DACH1: variants seen among roughly 807,000 people sequenced by gnomAD.
DACH1 encodes the protein dachshund family transcription factor 1, also known as dachshund homolog 1.
Under a neutral mutation model 54.2 loss-of-function variants are expected in DACH1, and 12 were observed. The observed-to-expected ratio is 0.22, with a 90% CI of 0.14 to 0.36. The LOEUF (loss-of-function observed/expected upper bound fraction) is 0.36, where lower values mean the gene tolerates loss of function less well. Among genes scored for constraint, DACH1 ranks in the 10% least tolerant of loss-of-function variants. The pLI, the probability that DACH1 is intolerant of heterozygous loss-of-function variation, is 1.00. For missense variants in DACH1, 805 were observed against 929.8 expected, an observed-to-expected ratio of 0.87 and a Z score of 1.75; for synonymous variants, 386 against 366.2, an observed-to-expected ratio of 1.05 and a Z score of -0.62.
intron 6 of DACH1, among the ~76,000 whole-genome samples, chr13:71,499,563 G>A (rs554938010): frequency 3.9e-5 from 6 of 152,074 alleles, no homozygotes; most frequent in Non-Finnish European, 8.8e-5. Flanking sequence ...AAAAATAAAT[G>A]AAAGGGGGCT....
In DACH1 at chr13:71,451,240, C is replaced by T. The variant is rs950228033; in HGVS notation, c.2084-10548G>A. On this transcript the variant is annotated intron_variant, in intron 10 of 10. Transcript: ENST00000613252. Reference sequence around the variant, plus strand: ...GCTAAAACCTAAATGTTGTTCCTGTCCTATGCACGTGGCATAGGACCCAGA... The same window carrying T: ...GCTAAAACCTAAATGTTGTTCCTGTTCTATGCACGTGGCATAGGACCCAGA... Among the ~76,000 whole-genome samples the T allele has an allele frequency of 3.9e-5, 6 of 152,090 alleles. No individual in the cohort carries two copies. The East Asian group carries it at 9.6e-4, about 24-fold the overall frequency.
chr13:71,630,484 G>A, intron 3 of DACH1, 72 bp downstream of exon 3: 1 of 1,466,184 alleles, frequency 6.8e-7, no homozygotes, highest in Non-Finnish European at 9.0e-7. Context: ...CAACAGTTTT[G>A]TTCTGGAAAA....
intron 10 of DACH1, among the ~76,000 whole-genome samples, chr13:71,453,605 A>C (rs1009739015): frequency 1.3e-5 from 2 of 152,156 alleles, no homozygotes; most frequent in Non-Finnish European, 2.9e-5. Context: ...TCTGGCTTTT[A>C]AAAGTTCAGC....
intron 1 of DACH1, among the ~76,000 whole-genome samples, chr13:71,725,317 A>C (rs183495384): frequency 6.6e-6 from 1 of 152,258 alleles, no homozygotes; most frequent in African/African-American, 2.4e-5. Flanking sequence ...AAGACAAAAG[A>C]GAGAGAAAGT....
In DACH1 at chr13:71,666,340, T is replaced by C. The variant is rs182348274; in HGVS notation, c.964+15455A>G. ...TATGTAGATAAGCTCAAGCAATTAT[T>C]TGGAAGCAAATTTCAAATATTTTTC... On this transcript the variant is annotated intron_variant, in intron 2 of 10. Coordinates refer to ENST00000613252, the MANE Select transcript of DACH1 (RefSeq NM_080759.6). Among the ~76,000 whole-genome samples the C allele has an allele frequency of 2.6e-5, 4 of 152,308 alleles. No homozygotes were observed. The East Asian group carries it at 5.8e-4, about 22-fold the overall frequency.
At chr13:71,727,125 G>A (rs1302528444) in intron 1 of DACH1, among the ~76,000 whole-genome samples, 2 of 151,968 alleles carry the variant, frequency 1.3e-5, no homozygotes, top group Non-Finnish European at 2.9e-5. Context: ...ACTACTCAGG[G>A]TGCCTTTGAG....
intron 6 of DACH1, among the ~76,000 whole-genome samples, chr13:71,546,711 G>T (rs1442081069): frequency 6.6e-6 from 1 of 151,906 alleles, no homozygotes; most frequent in Non-Finnish European, 1.5e-5. Flanking sequence ...AAAAACCTCA[G>T]CTATGGTCTA....
intron 3 of DACH1, among the ~76,000 whole-genome samples, chr13:71,582,750 T>G (rs1236744709): frequency 1.3e-5 from 2 of 152,174 alleles, no homozygotes; most frequent in East Asian, 3.9e-4. Flanking sequence ...TAGCTTCTAT[T>G]ATACATAGTA....
At chr13:71,624,886 T>C (rs1048024203) in intron 3 of DACH1, among the ~76,000 whole-genome samples, 3 of 151,912 alleles carry the variant, frequency 2.0e-5, no homozygotes, top group Non-Finnish European at 4.4e-5. Flanking sequence ...CATCAGCAGT[T>C]ACAGCTGTGC....
Position 71,611,256 on chromosome 13 carries a change from C to T in DACH1, c.1126+19300G>A, listed in dbSNP as rs1256361746. On this transcript the variant is annotated intron_variant, in intron 3 of 10. Coordinates refer to ENST00000613252, the MANE Select transcript of DACH1 (RefSeq NM_080759.6). ...AGCATTTGGAATAAACAGGAATTTGCGGTTTGTTATAATTTTAGATTTTAA... is the reference window on the plus strand; with the variant it reads ...AGCATTTGGAATAAACAGGAATTTGTGGTTTGTTATAATTTTAGATTTTAA... Among the ~76,000 whole-genome samples the T allele has an allele frequency of 1.1e-4, 17 of 152,138 alleles. No individual in the cohort carries two copies. The East Asian group carries it at 2.3e-3, about 21-fold the overall frequency.
At chr13:71,765,310 T>G (rs1245441610) in intron 1 of DACH1, among the ~76,000 whole-genome samples, 2 of 152,296 alleles carry the variant, frequency 1.3e-5, no homozygotes, top group Middle Eastern at 6.8e-3. Flanking sequence ...CTAAATTCCA[T>G]GGGTTCTACC....
intron 1 of DACH1, among the ~76,000 whole-genome samples, chr13:71,854,439 A>G (rs1466207664): frequency 6.6e-6 from 1 of 152,034 alleles, no homozygotes; most frequent in Non-Finnish European, 1.5e-5. Flanking sequence ...AGTAATAAGG[A>G]TTACTCTACT....
At chr13:71,527,774 A>AT (rs1882102684) in intron 6 of DACH1, among the ~76,000 whole-genome samples, 1 of 152,190 alleles carries the variant, frequency 6.6e-6, no homozygotes, top group South Asian at 2.1e-4. Flanking sequence ...ATTTGAAACA[A>AT]TTTTTCCATT....
chr13:71,845,187 T>G (rs534716867), intron 1 of DACH1, among the ~76,000 whole-genome samples: 71 of 152,256 alleles, frequency 4.7e-4, no homozygotes, highest in Non-Finnish European at 8.5e-4. Flanking sequence ...TGATCACATG[T>G]ATCACAACAT....
chr13:71,845,225 T>C (rs576892075), intron 1 of DACH1, among the ~76,000 whole-genome samples: 91 of 149,610 alleles, frequency 6.1e-4, no homozygotes, highest in African/African-American at 2.1e-3. Context: ...ATATGTGCAA[T>C]TGTTATATGT....
chr13:71,753,887 T>C (rs1361358042), intron 1 of DACH1, among the ~76,000 whole-genome samples: 2 of 152,204 alleles, frequency 1.3e-5, no homozygotes, highest in Non-Finnish European at 2.9e-5. Flanking sequence ...AAAAGTAATA[T>C]AGAGTAATTC....
intron 3 of DACH1, among the ~76,000 whole-genome samples, chr13:71,603,202 C>T (rs1475483240): frequency 6.6e-6 from 1 of 151,770 alleles, no homozygotes; most frequent in Non-Finnish European, 1.5e-5. Flanking sequence ...GGATTAAAAT[C>T]AATATTACTT....
At chr13:71,703,462 G>A (rs751424836) in intron 1 of DACH1, among the ~76,000 whole-genome samples, 10 of 152,186 alleles carry the variant, frequency 6.6e-5, no homozygotes, top group Non-Finnish European at 1.5e-4. Context: ...TCCCTGATCA[G>A]CAGTCCTCAA....
At chr13:71,768,472 G>T in intron 1 of DACH1, among the ~76,000 whole-genome samples, 1 of 151,910 alleles carries the variant, frequency 6.6e-6, no homozygotes, top group East Asian at 1.9e-4. Flanking sequence ...GCTTTCTTAT[G>T]ATGAAAACAT....
Sources: allele counts gnomAD v4.1 joint callset (sites outside exome capture counted in the v4.1 genomes callset), GRCh38; gene constraint gnomAD v4.1.1; transcripts MANE v1.5; gene names NCBI Gene and HGNC (gene_info 2026-07-23, HGNC 2026-07-21).